Variants in RBFOX1 observed in about 807,000 individuals in gnomAD.
The protein encoded by RBFOX1 is RNA binding protein fox-1 homolog 1.
Under a neutral mutation model 57.7 loss-of-function variants are expected in RBFOX1, and 8 were observed. The ratio of observed to expected loss-of-function variants is 0.14; its 90% CI spans 0.08 to 0.25. RBFOX1 has a LOEUF of 0.25. Ranked by LOEUF, RBFOX1 falls within the 10% of genes least tolerant of loss-of-function variation. The pLI is 1.00. For synonymous variants in RBFOX1, 326 were observed against 222.4 expected, an observed-to-expected ratio of 1.47 and a Z score of -4.15; for missense variants, 611 against 548.5, an observed-to-expected ratio of 1.11 and a Z score of -1.14.
intron 3 of RBFOX1, among the ~76,000 whole-genome samples, chr16:6,944,463 G>T (rs1192623901): frequency 6.6e-6 from 1 of 151,738 alleles, no homozygotes; most frequent in East Asian, 1.9e-4. Context: ...CCACTTCCCT[G>T]CCTTACATGA....
chr16:5,278,786 T>C (rs944218383), intron 1 of RBFOX1, among the ~76,000 whole-genome samples: 4 of 152,242 alleles, frequency 2.6e-5, no homozygotes, highest in Non-Finnish European at 5.9e-5. Flanking sequence ...GATAAGGGTC[T>C]AGTTTTATTC....
intron 1 of RBFOX1, among the ~76,000 whole-genome samples, chr16:5,292,643 T>TTTAC (rs1441348210): frequency 1.3e-5 from 2 of 151,834 alleles, no homozygotes; most frequent in East Asian, 1.9e-4. Flanking sequence ...TATTTATTTA[T>TTTAC]TTATTTAATC....
In RBFOX1 at chr16:6,341,426, G is replaced by T. The variant is rs192572182; in HGVS notation, c.-64+24369G>T. Among the ~76,000 whole-genome samples the T allele has an allele frequency of 3.2e-3, 487 of 152,260 alleles. 8 individuals are homozygous for T. The highest frequency in any genetic ancestry group is 0.01 in the African/African-American group (419 of 41,552). On this transcript the variant is annotated intron_variant, in intron 2 of 15. Transcript: ENST00000550418. Reference sequence around the variant, plus strand: ...ACTTCCTGGGCGGCATTCATAGGAAGTTAGGGATTCCTAGCCTCTAGATAT... The same window carrying T: ...ACTTCCTGGGCGGCATTCATAGGAATTTAGGGATTCCTAGCCTCTAGATAT...
At chr16:5,696,090 A>G (rs1455391997) in intron 3 of RBFOX1, among the ~76,000 whole-genome samples, 2 of 152,218 alleles carry the variant, frequency 1.3e-5, no homozygotes, top group African/African-American at 4.8e-5. Context: ...AAAATTACAG[A>G]GAAGAATATA....
intron 4 of RBFOX1, among the ~76,000 whole-genome samples, chr16:5,928,175 C>A (rs762620885): frequency 3.9e-5 from 6 of 151,976 alleles, no homozygotes; most frequent in Non-Finnish European, 8.8e-5. Flanking sequence ...CTCACTGTAG[C>A]CTTGATCTCC....
chr16:7,508,359 T>C (rs2151989540), intron 4 of RBFOX1, among the ~76,000 whole-genome samples: 1 of 152,302 alleles, frequency 6.6e-6, no homozygotes, highest in Non-Finnish European at 1.5e-5. Context: ...GAATTGTCCG[T>C]CTTGGTCTTG....
chr16:6,508,078 C>T (rs1247079129), intron 2 of RBFOX1, among the ~76,000 whole-genome samples: 1 of 152,096 alleles, frequency 6.6e-6, no homozygotes, highest in African/African-American at 2.4e-5. Flanking sequence ...ATGAATGGAG[C>T]TGGAGGTCAT....
At chr16:7,246,143 A>T (rs2094289177) in intron 4 of RBFOX1, among the ~76,000 whole-genome samples, 1 of 152,164 alleles carries the variant, frequency 6.6e-6, no homozygotes, top group South Asian at 2.1e-4. Context: ...AAGCTGGTAA[A>T]TGTTTTGTTC....
At chr16:6,110,003 C>G (rs1385176399) in intron 1 of RBFOX1, among the ~76,000 whole-genome samples, 2 of 151,986 alleles carry the variant, frequency 1.3e-5, no homozygotes, top group African/African-American at 2.4e-5. Context: ...ACCATTATTA[C>G]TTTATCAAAA....
chr16:5,876,701 A>G (rs560296276), intron 4 of RBFOX1, among the ~76,000 whole-genome samples: 14 of 152,276 alleles, frequency 9.2e-5, no homozygotes, highest in African/African-American at 3.4e-4. Context: ...TTTCCATAGC[A>G]TTATACATTC....
intron 1 of RBFOX1, among the ~76,000 whole-genome samples, chr16:6,124,021 T>C (rs1206362652): frequency 6.6e-6 from 1 of 152,196 alleles, no homozygotes; most frequent in Non-Finnish European, 1.5e-5. Flanking sequence ...GTTCATTCCC[T>C]TCATGGGGGG....
At chr16:7,056,702 A>T (rs367652316) in intron 4 of RBFOX1, among the ~76,000 whole-genome samples, 1 of 152,200 alleles carries the variant, frequency 6.6e-6, no homozygotes, top group South Asian at 2.1e-4. Flanking sequence ...ATATTTGATT[A>T]CAAAGGGATC....
At chr16:5,462,492 C>G (rs184147912) in intron 1 of RBFOX1, among the ~76,000 whole-genome samples, 1 of 152,178 alleles carries the variant, frequency 6.6e-6, no homozygotes, top group Non-Finnish European at 1.5e-5. Flanking sequence ...TTCTAATGCA[C>G]ATGGAACACC....
chr16:6,177,922 T>A (rs1461515448), intron 1 of RBFOX1, among the ~76,000 whole-genome samples: 36 of 140,014 alleles, frequency 2.6e-4, no homozygotes, highest in African/African-American at 2.6e-4. Flanking sequence ...TCAGTGGGGG[T>A]AAAAAAAAAA....
chr16:5,424,929 T>TTCTTTCTC (rs1308381620), intron 1 of RBFOX1, among the ~76,000 whole-genome samples: 1 of 110,632 alleles, frequency 9.0e-6, no homozygotes, highest in Admixed American at 9.7e-5. Context: ...CTTTCTTTCT[T>TTCTTTCTC]TCTTTCTCTC....
intron 2 of RBFOX1, among the ~76,000 whole-genome samples, chr16:6,634,788 A>ATATATACATATATTT (rs1181826229): frequency 7.2e-5 from 10 of 138,760 alleles, no homozygotes; most frequent in Non-Finnish European, 1.4e-4. Context: ...TATAATACAA[A>ATATATACATATATTT]GATATACATA....
intron 3 of RBFOX1, among the ~76,000 whole-genome samples, chr16:7,022,141 C>T (rs1414514207): frequency 6.8e-6 from 1 of 147,308 alleles, no homozygotes; most frequent in Non-Finnish European, 1.5e-5. Context: ...CCACTCACTG[C>T]AACCTCTGCC....
At chr16:7,044,830 G>C (rs1031980444) in intron 3 of RBFOX1, among the ~76,000 whole-genome samples, 1 of 152,160 alleles carries the variant, frequency 6.6e-6, no homozygotes, top group Non-Finnish European at 1.5e-5. Flanking sequence ...ACTGTAGGGA[G>C]TTACAGGTGC....
intron 14 of RBFOX1, among the ~76,000 whole-genome samples, chr16:7,691,745 A>G (rs138320117): frequency 2.1e-3 from 318 of 152,268 alleles, no homozygotes; most frequent in African/African-American, 7.3e-3. Context: ...GGAAAATTGC[A>G]GAAAGGGAAC....
Sources: gnomAD v4.1 joint callset for allele counts (sites outside exome capture counted in the v4.1 genomes callset) on GRCh38, gnomAD v4.1.1 for gene constraint, MANE v1.5 for transcripts, NCBI Gene and HGNC (gene_info 2026-07-23, HGNC 2026-07-21) for gene names.